Variants in DAW1 observed in about 807,000 individuals in gnomAD.
The protein encoded by DAW1 is dynein assembly factor with WD repeats 1, also known as dynein assembly factor with WD repeat domains 1.
In DAW1, 47 loss-of-function variants were observed where a neutral mutation model predicts 56.5. The observed-to-expected ratio is 0.83, with a 90% CI of 0.66 to 1.06. DAW1 has a LOEUF of 1.06. DAW1 is among the 50% of genes least tolerant of loss of function. The probability of loss-of-function intolerance (pLI) is 0.00; values close to 1 mark genes in which losing one functional copy is unlikely to be tolerated. For missense variants in DAW1, 505 were observed against 499.3 expected (o/e 1.01, Z -0.11); for synonymous variants, 190 against 179.0 (o/e 1.06, Z -0.49).
In DAW1 at chr2:227,924,193, G is replaced by C. The variant is rs574508586; in HGVS notation, c.*225G>C. ...GATGGCAGGACACAGCATAATGTTT[G>C]GCTAATGCCACCAGTTATTTCAGTT... On this transcript the variant is annotated 3_prime_UTR_variant, in exon 13 of 13. Coordinates refer to ENST00000309931, the MANE Select transcript of DAW1 (RefSeq NM_178821.3). 1 of 541,150 alleles carries C rather than the reference G, an allele frequency of 1.8e-6. No homozygotes were observed. Among genetic ancestry groups the C allele is most frequent in the African/African-American group, 1.9e-5 (1 of 53,194 alleles). 33.5% of individuals were successfully genotyped at this position (541,150 alleles called of 1,614,324 possible).
intron 4 of DAW1, among the ~76,000 whole-genome samples, chr2:227,892,484 T>C (rs1691288880): frequency 6.6e-6 from 1 of 152,194 alleles, no homozygotes; most frequent in African/African-American, 2.4e-5. Flanking sequence ...TCCAAATACA[T>C]TCACATTCTA....
chr2:227,892,340 G>C (rs1691285034), intron 4 of DAW1, among the ~76,000 whole-genome samples: 1 of 151,764 alleles, frequency 6.6e-6, no homozygotes, highest in Non-Finnish European at 1.5e-5. Flanking sequence ...CTCCATGTTG[G>C]TCAGGCTGGT....
In DAW1 at chr2:227,898,168, C is replaced by A. The variant is rs1229800348; in HGVS notation, c.441-14C>A. ...GTCTTTTTTTAAATAATCTACATTT[C>A]TTTTAAATCTTAGTGACAAAATCGC... On this transcript the variant is annotated splice_polypyrimidine_tract_variant and intron_variant, in intron 5 of 12. Coordinates refer to ENST00000309931, the MANE Select transcript of DAW1 (RefSeq NM_178821.3). 1.3e-6 allele frequency: 2 copies of A among 1,523,258 alleles called. No homozygotes were observed. Among genetic ancestry groups the A allele is most frequent in the Non-Finnish European group, 1.8e-6 (2 of 1,125,520 alleles). 94.4% of individuals were successfully genotyped at this position (1,523,258 alleles called of 1,614,324 possible). A position where few individuals can be genotyped will look rare whatever the true frequency, so the allele number is the denominator to read the frequency against.
chr2:227,918,715 A>C, intron 10 of DAW1, 65 bp from the exon 11 acceptor site: 1 of 1,553,636 alleles, frequency 6.4e-7, no homozygotes, highest in Non-Finnish European at 8.9e-7. Context: ...ATACAATGCA[A>C]AGTCTTTTAT....
chr2:227,910,022 C>G (rs765287584), intron 10 of DAW1, among the ~76,000 whole-genome samples: 6 of 152,172 alleles, frequency 3.9e-5, no homozygotes, highest in Non-Finnish European at 8.8e-5. Flanking sequence ...GCATCATCTC[C>G]CTGACAACCA....
intron 1 of DAW1, chr2:227,872,147 A>T (rs1690766281): frequency 6.1e-6 from 1 of 163,510 alleles, no homozygotes; most frequent in Non-Finnish European, 1.3e-5. Context: ...CTCTAATTTT[A>T]GGTGAGGACA....
At chr2:227,881,503 T>A (rs919224227) in intron 1 of DAW1, among the ~76,000 whole-genome samples, 1 of 152,144 alleles carries the variant, frequency 6.6e-6, no homozygotes, top group Non-Finnish European at 1.5e-5. Context: ...TAAATGCAAT[T>A]TAAGTAATAC....
chr2:227,915,934 T>C (rs1406682696), intron 10 of DAW1, among the ~76,000 whole-genome samples: 2 of 152,188 alleles, frequency 1.3e-5, no homozygotes. Flanking sequence ...CAATTTATAA[T>C]GCTACAATGT....
intron 1 of DAW1, among the ~76,000 whole-genome samples, chr2:227,874,238 T>G (rs1482227929): frequency 6.6e-6 from 1 of 152,172 alleles, no homozygotes. Flanking sequence ...ATAAAAAAAC[T>G]TGGGCAATTT....
intron 10 of DAW1, among the ~76,000 whole-genome samples, chr2:227,910,459 G>A (rs1377699674): frequency 6.7e-6 from 1 of 150,246 alleles, no homozygotes; most frequent in Admixed American, 6.7e-5. Context: ...GTGACAGAGT[G>A]AGACCCCATC....
intron 1 of DAW1, among the ~76,000 whole-genome samples, chr2:227,874,545 T>C: frequency 6.6e-6 from 1 of 152,222 alleles, no homozygotes; most frequent in East Asian, 1.9e-4. Flanking sequence ...TGCTTTTCTT[T>C]GGCTTCCAGG....
chr2:227,877,552 A>C (rs1241002024), intron 1 of DAW1, among the ~76,000 whole-genome samples: 1 of 152,248 alleles, frequency 6.6e-6, no homozygotes, highest in Non-Finnish European at 1.5e-5. Context: ...TGCCTAGATC[A>C]ATGTTACACA....
chr2:227,909,828 C>T (rs932946565), intron 10 of DAW1, among the ~76,000 whole-genome samples: 22 of 152,114 alleles, frequency 1.4e-4, no homozygotes, highest in Admixed American at 1.4e-3. Context: ...GATGCCTGCC[C>T]ACATTGGTGA....
At chr2:227,876,641 A>G (rs948276798) in intron 1 of DAW1, 1 of 462,152 alleles carries the variant, frequency 2.2e-6, no homozygotes. Context: ...CTTTTGAATA[A>G]CGTATAGGTC....
At chr2:227,889,802 T>C (rs904739893) in intron 2 of DAW1, 54 bp from the exon 3 acceptor site, 3 of 1,456,572 alleles carry the variant, frequency 2.1e-6, no homozygotes, top group Non-Finnish European at 2.8e-6. Context: ...GTAATATAGG[T>C]ATATGCAAAT....
intron 1 of DAW1, among the ~76,000 whole-genome samples, chr2:227,873,275 A>T (rs1032151433): frequency 8.5e-5 from 13 of 152,182 alleles, no homozygotes; most frequent in African/African-American, 2.9e-4. Context: ...TAAAAATTAT[A>T]TTTGTCATCA....
intron 10 of DAW1, among the ~76,000 whole-genome samples, chr2:227,911,475 A>G (rs190647292): frequency 2.6e-5 from 4 of 151,304 alleles, no homozygotes; most frequent in Non-Finnish European, 4.4e-5. Context: ...CACATATGAC[A>G]TACTGTGTGT....
At chr2:227,893,111 TAA>T (rs1304775284) in intron 4 of DAW1, among the ~76,000 whole-genome samples, 1 of 144,340 alleles carries the variant, frequency 6.9e-6, no homozygotes, top group African/African-American at 2.6e-5. Flanking sequence ...CTACTAAAAA[TAA>T]AAAAAAAAAT....
chr2:227,913,928 T>TTCA (rs146455954), intron 10 of DAW1, among the ~76,000 whole-genome samples: 1,996 of 147,622 alleles, frequency 0.014, 41 homozygotes, highest in African/African-American at 0.047. Context: ...TCTATCTATC[T>TTCA]TCATCATCAT....
Sources: gnomAD v4.1 joint callset for allele counts (sites outside exome capture counted in the v4.1 genomes callset) on GRCh38, gnomAD v4.1.1 for gene constraint, MANE v1.5 for transcripts, NCBI Gene and HGNC (gene_info 2026-07-23, HGNC 2026-07-21) for gene names.